KIRREL3: variants seen among roughly 807,000 people sequenced by gnomAD.
KIRREL3 encodes kin of IRRE-like protein 3.
KIRREL3 carries 36 observed loss-of-function variants against 89.7 expected under a neutral mutation model. The observed-to-expected ratio is 0.40, with a 90% CI of 0.31 to 0.53. KIRREL3 has a LOEUF of 0.53. Among genes scored for constraint, KIRREL3 ranks in the 20% least tolerant of loss-of-function variants. KIRREL3 has a pLI of 0.49. For missense variants in KIRREL3, 864 were observed against 1,056.6 expected (o/e 0.82, Z 2.53); for synonymous variants, 445 against 441.4 (o/e 1.01, Z -0.10).
rs140018312 is a variant in KIRREL3, at chr11:126,889,648, G to A, written c.55+110807C>T. Among the ~76,000 whole-genome samples, 215 of 152,274 alleles carry A rather than the reference G, an allele frequency of 1.4e-3. 5 individuals are homozygous for A. In the East Asian group the frequency reaches 0.037, roughly 26 times the overall value. The stretch of plus-strand genomic sequence containing the variant: ...CATCAGGGCTTCTATGCACAGCTTC[G>A]GGAAGAATCAGTTTCAGTACGTTTT... On this transcript the variant is annotated intron_variant, in intron 1 of 16. Transcript: ENST00000525144.
At chr11:126,829,880 A>G (rs183603165) in intron 1 of KIRREL3, among the ~76,000 whole-genome samples, 122 of 152,328 alleles carry the variant, frequency 8.0e-4, no homozygotes, top group Non-Finnish European at 1.3e-3. Context: ...GGAGGTTTTC[A>G]GAAGACTGGA....
intron 1 of KIRREL3, chr11:126,936,350 TA>T (rs1316601761): frequency 1.3e-5 from 2 of 152,122 alleles, no homozygotes; most frequent in Non-Finnish European, 2.9e-5. Context: ...CTTAAAAACA[TA>T]AATTTACCAT....
intron 1 of KIRREL3, among the ~76,000 whole-genome samples, chr11:126,856,613 A>T (rs1348243768): frequency 1.2e-5 from 1 of 82,728 alleles, no homozygotes; most frequent in East Asian, 1.0e-3. Flanking sequence ...ATACACACAG[A>T]CATATATTTT....
At chr11:126,856,735 C>A (rs1389793623) in intron 1 of KIRREL3, among the ~76,000 whole-genome samples, 1 of 151,884 alleles carries the variant, frequency 6.6e-6, no homozygotes, top group Non-Finnish European at 1.5e-5. Flanking sequence ...CCTGCCTCAG[C>A]CTCCTGAGTA....
At chr11:126,473,023 AT>A (rs1956952643) in intron 5 of KIRREL3, among the ~76,000 whole-genome samples, 2 of 38,766 alleles carry the variant, frequency 5.2e-5, no homozygotes, top group Non-Finnish European at 4.3e-5. Context: ...GCCCCCCACT[AT>A]CCTCCCCTCT....
chr11:126,834,465 A>G (rs944624811), intron 1 of KIRREL3, among the ~76,000 whole-genome samples: 9 of 152,268 alleles, frequency 5.9e-5, no homozygotes, highest in African/African-American at 1.4e-4. Flanking sequence ...AATCCTTTCT[A>G]TCAGACTGGC....
Position 126,995,628 on chromosome 11 carries a change from T to C in KIRREL3, c.55+4827A>G, listed in dbSNP as rs1271825395. ...AGTATGGGCAATTTTCTTTTCCTCA[T>C]CCATGTTTCCAAAACAGTTTATCTT... On this transcript the variant is annotated intron_variant, in intron 1 of 16. Coordinates refer to ENST00000525144, the MANE Select transcript of KIRREL3 (RefSeq NM_032531.4). The surrounding 1 kb of genome is among the most constrained non-coding windows in gnomAD (Gnocchi z 6.5). Among the ~76,000 whole-genome samples the C allele has an allele frequency of 6.6e-6, 1 of 152,114 alleles. No individual in the cohort carries two copies. The highest frequency in any genetic ancestry group is 6.5e-5 in the Admixed American group (1 of 15,270).
At position 126,677,921 on chromosome 11, in the gene KIRREL3, T is replaced by G. The variant is rs1025913195; in HGVS notation, c.56-115009A>C. Among the ~76,000 whole-genome samples the G allele has an allele frequency of 6.6e-6, 1 of 152,060 alleles. No individual in the cohort carries two copies. The highest frequency in any genetic ancestry group is 1.5e-5 in the Non-Finnish European group (1 of 68,002). ...CTGTTGTCACCACCAAGCCCTGTCT[T>G]GTCATCAGCCTCAGTGTCAGGCCCT... On this transcript the variant is annotated intron_variant, in intron 1 of 16. Coordinates refer to ENST00000525144, the MANE Select transcript of KIRREL3 (RefSeq NM_032531.4). This position sits in a 1 kb window ranked among gnomAD's most constrained non-coding sequence, Gnocchi z 5.1.
chr11:126,728,658 G>A (rs1328971801), intron 1 of KIRREL3, among the ~76,000 whole-genome samples: 4 of 152,156 alleles, frequency 2.6e-5, no homozygotes, highest in South Asian at 2.1e-4. Flanking sequence ...TTGACTCTTT[G>A]TATAGGGAGG....
chr11:126,483,118 C>G (rs1048988969), intron 4 of KIRREL3, among the ~76,000 whole-genome samples: 3 of 152,190 alleles, frequency 2.0e-5, no homozygotes, highest in Non-Finnish European at 4.4e-5. Context: ...CAGAGGGATC[C>G]TGCCCTATAC....
rs1942978647 is a variant in KIRREL3 at position 126,608,389 on chromosome 11, A to G, written c.56-45477T>C. On this transcript the variant is annotated intron_variant, in intron 1 of 16. Coordinates refer to ENST00000525144, the MANE Select transcript of KIRREL3 (RefSeq NM_032531.4). This position sits in a 1 kb window ranked among gnomAD's most constrained non-coding sequence, Gnocchi z 4.9. Reference sequence around the variant, plus strand: ...CTCTAGCCCCAGGCTATCGAGCTGAATTAAGCTGCCTAAGATCACCTCATT... The same window carrying G: ...CTCTAGCCCCAGGCTATCGAGCTGAGTTAAGCTGCCTAAGATCACCTCATT... Among the ~76,000 whole-genome samples the G allele has an allele frequency of 6.6e-6, 1 of 152,156 alleles. No individual in the cohort carries two copies. The highest frequency in any genetic ancestry group is 1.5e-5 in the Non-Finnish European group (1 of 68,026).
At chr11:126,974,669 C>A (rs10466609) in intron 1 of KIRREL3, among the ~76,000 whole-genome samples, 1 of 151,898 alleles carries the variant, frequency 6.6e-6, no homozygotes, top group Non-Finnish European at 1.5e-5. Flanking sequence ...CACACCTAGG[C>A]TACATGGTAT....
chr11:126,854,126 T>TTGTGTGTGTGTGTGTGTGTGTG (rs375873911), intron 1 of KIRREL3, among the ~76,000 whole-genome samples: 2 of 143,922 alleles, frequency 1.4e-5, no homozygotes, highest in Admixed American at 6.9e-5. Flanking sequence ...AATAAGTTTC[T>TTGTGTGTGTGTGTGTGTGTGTG]TGTGTGTGTG....
chr11:126,461,335 G>A (rs1956534257), intron 6 of KIRREL3, among the ~76,000 whole-genome samples: 1 of 152,278 alleles, frequency 6.6e-6, no homozygotes, highest in Non-Finnish European at 1.5e-5. Context: ...TGAGGGGGAA[G>A]AGCCGAGGGT....
Position 126,563,018 on chromosome 11 carries a change from G to A in KIRREL3, c.56-106C>T. 1.4e-6 allele frequency: 1 copy of A among 698,150 alleles called. No individual in the cohort carries two copies. Among genetic ancestry groups the A allele is most frequent in the Non-Finnish European group, 2.4e-6 (1 of 419,208 alleles). 43.2% of individuals were successfully genotyped at this position (698,150 alleles called of 1,614,324 possible). On this transcript the variant is annotated intron_variant, in intron 1 of 16. Transcript: ENST00000525144. This position sits in a 1 kb window ranked among gnomAD's most constrained non-coding sequence, Gnocchi z 6.8. ...GAGCTTGTTGCTCTTATAAACAGAG[G>A]TGCTTTTGTTTAGCCAACATTTATA...
chr11:126,714,306 A>G (rs1402879781), intron 1 of KIRREL3, among the ~76,000 whole-genome samples: 1 of 152,230 alleles, frequency 6.6e-6, no homozygotes, highest in Non-Finnish European at 1.5e-5. Context: ...TTGTAGAAGC[A>G]TGTAGACCCC....
At chr11:126,505,182 T>C (rs1957981849) in intron 4 of KIRREL3, among the ~76,000 whole-genome samples, 1 of 152,212 alleles carries the variant, frequency 6.6e-6, no homozygotes, top group Non-Finnish European at 1.5e-5. Context: ...ATGCATTAGG[T>C]TGGAAAAGAC....
chr11:126,599,539 A>G (rs147177497), intron 1 of KIRREL3, among the ~76,000 whole-genome samples: 3 of 152,296 alleles, frequency 2.0e-5, no homozygotes, highest in East Asian at 1.9e-4. Context: ...AGTCAGAGAC[A>G]TAGAGGCCCA....
intron 1 of KIRREL3, among the ~76,000 whole-genome samples, chr11:126,792,057 C>T (rs1310124318): frequency 6.6e-6 from 1 of 152,162 alleles, no homozygotes; most frequent in African/African-American, 2.4e-5. Flanking sequence ...GGGAGACTTG[C>T]TCTTAGCTGG....
Sources: allele counts gnomAD v4.1 joint callset (sites outside exome capture counted in the v4.1 genomes callset), GRCh38; gene constraint gnomAD v4.1.1; non-coding constraint Gnocchi (gnomAD v3.1); transcripts MANE v1.5; gene names NCBI Gene and HGNC (gene_info 2026-07-23, HGNC 2026-07-21).